Variants in NDUFA11 observed in about 807,000 individuals in gnomAD.
NDUFA11 encodes NADH dehydrogenase [ubiquinone] 1 alpha subcomplex subunit 11.
NDUFA11 carries 14 observed loss-of-function variants against 11.3 expected under a neutral mutation model. The observed-to-expected ratio is 1.24, with a 90% CI of 0.82 to 1.94. The LOEUF (loss-of-function observed/expected upper bound fraction) is 1.94, where lower values mean the gene tolerates loss of function less well. Among genes scored for constraint, NDUFA11 ranks in the 30% most tolerant of loss-of-function variants. The pLI is 0.00. For synonymous variants in NDUFA11, 87 were observed against 85.6 expected (o/e 1.02, Z -0.09); for missense variants, 204 against 200.3 (o/e 1.02, Z -0.11).
At chr19:5,895,103 A>T (rs1054366471) in intron 3 of NDUFA11, 8 of 533,586 alleles carry the variant, frequency 1.5e-5, no homozygotes, top group Non-Finnish European at 3.4e-6. Context: ...CCCGCCCCAC[A>T]CTGACTTCCC....
chr19:5,892,719 G>T, downstream of NDUFA11: 1 of 687,920 alleles, frequency 1.5e-6, no homozygotes, highest in Non-Finnish European at 2.2e-6. Context: ...GGTGGGCGCT[G>T]CCCCCTGCCG....
At chr19:5,893,091 C>T, downstream of NDUFA11, 1 of 1,536,122 alleles carries the variant, frequency 6.5e-7, no homozygotes, top group Non-Finnish European at 8.7e-7. The surrounding 1 kb of genome is among the most constrained non-coding windows in gnomAD (Gnocchi z 4.1). Context: ...TGTTGCATGC[C>T]CCCCTTGTGC....
Position 5,903,682 on chromosome 19 carries a change from G to C in NDUFA11, c.27C>G (p.Tyr9Ter). 6.4e-7 allele frequency: 1 copy of C among 1,551,538 alleles called. No individual in the cohort carries two copies. Among genetic ancestry groups the C allele is most frequent in the Non-Finnish European group, 8.7e-7 (1 of 1,146,922 alleles). ...AATCGGTGCCATCGGGGATATCCCA[G>C]TACTGACGAAAAACCTTCGGCGCCA... MAPKVFRQ[Y>*]WDIPDGTDCH... Residue 9 changes from tyrosine (Y) to a stop codon, truncating the protein, a stop_gained, in exon 1 of 4, where the codon TAC (tyrosine) becomes TAG (stop). Transcript: ENST00000308961. LOFTEE classifies it high-confidence loss of function.
At chr19:5,899,740 T>A (rs574146381) in intron 1 of NDUFA11, among the ~76,000 whole-genome samples, 7 of 152,046 alleles carry the variant, frequency 4.6e-5, no homozygotes, top group Admixed American at 2.6e-4. Context: ...GTGCTGGGAT[T>A]AAAGGCCTGA....
At chr19:5,902,790 C>G (rs1170188299) in intron 1 of NDUFA11, among the ~76,000 whole-genome samples, 1 of 152,036 alleles carries the variant, frequency 6.6e-6, no homozygotes, top group Non-Finnish European at 1.5e-5. Context: ...GGGCGGATGG[C>G]CTGAGACCAG....
intron 1 of NDUFA11, among the ~76,000 whole-genome samples, chr19:5,897,308 C>G (rs890277883): frequency 5.9e-5 from 9 of 152,318 alleles, no homozygotes; most frequent in Admixed American, 2.6e-4. Flanking sequence ...TGGCAGGGCA[C>G]CGGCCGGCAG....
intron 1 of NDUFA11, among the ~76,000 whole-genome samples, chr19:5,897,689 G>A (rs2057619525): frequency 6.6e-6 from 1 of 152,232 alleles, no homozygotes; most frequent in Admixed American, 6.5e-5. Flanking sequence ...AGGCCGCCTG[G>A]CCCCTGACAT....
downstream of NDUFA11, chr19:5,892,600 A>C: frequency 4.0e-6 from 1 of 252,184 alleles, no homozygotes. Context: ...AGGGACAGAC[A>C]AGGCCTGGAG....
intron 1 of NDUFA11, chr19:5,902,562 C>G (rs950539722): frequency 5.2e-5 from 8 of 152,474 alleles, no homozygotes; most frequent in African/African-American, 1.7e-4. Flanking sequence ...CCGCGCCTGG[C>G]CCAGTTTGTA....
At chr19:5,901,480 G>T in intron 1 of NDUFA11, 1 of 1,283,224 alleles carries the variant, frequency 7.8e-7, no homozygotes. Flanking sequence ...ACACAATAAC[G>T]TCTGTCTTAC....
intron 1 of NDUFA11, chr19:5,901,351 T>C (rs1195733067): frequency 7.8e-7 from 1 of 1,287,098 alleles, no homozygotes; most frequent in Non-Finnish European, 1.0e-6. Context: ...GGAACATTCC[T>C]TGCTTCAGAG....
chr19:5,896,007 CAG>C lies in NDUFA11; in HGVS notation c.313+444_313+445del. 3.6e-6 allele frequency: 1 copy of C among 276,092 alleles called. No homozygotes were observed. The highest frequency in any genetic ancestry group is 6.3e-5 in the East Asian group (1 of 15,848). 17.1% of individuals were successfully genotyped at this position (276,092 alleles called of 1,614,324 possible). A position where few individuals can be genotyped will look rare whatever the true frequency, so the allele number is the denominator to read the frequency against. On this transcript the variant is annotated intron_variant, in intron 3 of 3. Coordinates refer to ENST00000308961, the MANE Select transcript of NDUFA11 (RefSeq NM_175614.5). This position sits in a 1 kb window ranked among gnomAD's most constrained non-coding sequence, Gnocchi z 5.8. ...TCCTCTCTGACTCACAGGCCAGTGG[CAG>C]AGACAGGGGGTGACCTTGGTGACCT... is the stretch of plus-strand genomic sequence containing the variant.
At chr19:5,902,389 G>C (rs902710142) in intron 1 of NDUFA11, 2 of 152,238 alleles carry the variant, frequency 1.3e-5, no homozygotes, top group African/African-American at 4.8e-5. Flanking sequence ...TCAGCCTCCT[G>C]AGTAGCTGGG....
chr19:5,900,476 A>C (rs1269607323), intron 1 of NDUFA11, among the ~76,000 whole-genome samples: 3 of 152,296 alleles, frequency 2.0e-5, no homozygotes, highest in Admixed American at 2.0e-4. Context: ...AGGGTCCCCA[A>C]CTCAGGGAAG....
downstream of NDUFA11, among the ~76,000 whole-genome samples, chr19:5,893,695 G>T (rs1392582589): frequency 2.0e-5 from 3 of 152,210 alleles, no homozygotes; most frequent in African/African-American, 7.2e-5. The surrounding 1 kb of genome is among the most constrained non-coding windows in gnomAD (Gnocchi z 4.1). Context: ...CTTGGGCCCG[G>T]GAGTTCCAGG....
intron 1 of NDUFA11, among the ~76,000 whole-genome samples, chr19:5,900,999 C>G (rs1048006063): frequency 2.0e-5 from 3 of 152,024 alleles, no homozygotes; most frequent in African/African-American, 7.3e-5. Context: ...CCTTGGAGGG[C>G]TCACAGAAGC....
At chr19:5,897,770 G>A (rs966691453) in intron 1 of NDUFA11, among the ~76,000 whole-genome samples, 6 of 152,252 alleles carry the variant, frequency 3.9e-5, no homozygotes, top group Admixed American at 6.5e-5. Context: ...TGGTGGGGAC[G>A]GAGGTTTGAT....
At chr19:5,901,835 A>C (rs1382512992) in intron 1 of NDUFA11, among the ~76,000 whole-genome samples, 1 of 148,156 alleles carries the variant, frequency 6.7e-6, no homozygotes, top group Non-Finnish European at 1.5e-5. Flanking sequence ...ACGCCCGGCT[A>C]ATTTTTTTTG....
At chr19:5,897,787 C>G (rs2057620231) in intron 1 of NDUFA11, among the ~76,000 whole-genome samples, 2 of 152,242 alleles carry the variant, frequency 1.3e-5, no homozygotes, top group Non-Finnish European at 2.9e-5. Context: ...TGATCCCAGC[C>G]CACCGTCCCT....
Sources: allele counts gnomAD v4.1 joint callset (sites outside exome capture counted in the v4.1 genomes callset), GRCh38; gene constraint gnomAD v4.1.1; non-coding constraint Gnocchi (gnomAD v3.1); transcripts MANE v1.5; gene names NCBI Gene and HGNC (gene_info 2026-07-23, HGNC 2026-07-21).